RALGAPA2: variants seen among roughly 807,000 people sequenced by gnomAD.
RALGAPA2 encodes Ral GTPase activating protein catalytic subunit alpha 2, also known as ral GTPase-activating protein subunit alpha-2.
A neutral mutation model predicts 230.4 loss-of-function variants in RALGAPA2; 139 were observed. The observed-to-expected ratio is 0.60, with a 90% CI of 0.53 to 0.69. The LOEUF is 0.69. Among genes scored for constraint, RALGAPA2 ranks in the 30% least tolerant of loss-of-function variants. The probability of loss-of-function intolerance (pLI) is 0.00; values close to 1 mark genes in which losing one functional copy is unlikely to be tolerated. For missense variants in RALGAPA2, 2,163 were observed against 2,276.0 expected (o/e 0.95, Z 1.01); for synonymous variants, 847 against 837.8 (o/e 1.01, Z -0.19).
At chr20:20,400,415 GTA>G (rs1295693304) in intron 38 of RALGAPA2, among the ~76,000 whole-genome samples, 5 of 152,176 alleles carry the variant, frequency 3.3e-5, no homozygotes, top group Admixed American at 6.5e-5. Flanking sequence ...GCGTGTGCCT[GTA>G]TACGTGCTGC....
At chr20:20,693,167 A>G (rs1370987358) in intron 1 of RALGAPA2, among the ~76,000 whole-genome samples, 3 of 152,244 alleles carry the variant, frequency 2.0e-5, no homozygotes, top group Admixed American at 6.5e-5. Flanking sequence ...CAGGAGTGAT[A>G]GTCCTTGTGT....
At chr20:20,548,716 G>A (rs1269355276) in intron 23 of RALGAPA2, among the ~76,000 whole-genome samples, 1 of 152,176 alleles carries the variant, frequency 6.6e-6, no homozygotes, top group Non-Finnish European at 1.5e-5. Flanking sequence ...AAAGTGTGTG[G>A]TAAACTCAGG....
At chr20:20,458,684 A>G (rs1437013735) in intron 37 of RALGAPA2, among the ~76,000 whole-genome samples, 1 of 135,662 alleles carries the variant, frequency 7.4e-6, no homozygotes, top group Admixed American at 7.9e-5. Flanking sequence ...ATATATATAT[A>G]TAGACCTATA....
At chr20:20,682,720 C>T (rs2068564063) in intron 1 of RALGAPA2, among the ~76,000 whole-genome samples, 1 of 152,274 alleles carries the variant, frequency 6.6e-6, no homozygotes, top group South Asian at 2.1e-4. Context: ...TCATTATGTC[C>T]CATGCATCTA....
intron 23 of RALGAPA2, among the ~76,000 whole-genome samples, chr20:20,562,687 T>C (rs978791986): frequency 1.3e-4 from 20 of 152,198 alleles, no homozygotes; most frequent in African/African-American, 4.8e-4. Flanking sequence ...TTACACTTTT[T>C]AAAGCTGTGA....
At chr20:20,659,625 T>G (rs1036724888) in intron 3 of RALGAPA2, 19 of 275,812 alleles carry the variant, frequency 6.9e-5, no homozygotes, top group Non-Finnish European at 1.0e-4. Context: ...TAAAAAAGAG[T>G]ATATTCCTAA....
chr20:20,397,450 C>T (rs986657038), intron 38 of RALGAPA2, among the ~76,000 whole-genome samples: 2 of 152,208 alleles, frequency 1.3e-5, no homozygotes, highest in African/African-American at 2.4e-5. Flanking sequence ...ACCCCTTCCA[C>T]GCCATCCTAT....
At position 20,571,816 on chromosome 20, in the gene RALGAPA2, C is replaced by A. The variant is rs202239766; in HGVS notation, c.3000+32G>T. 6.9e-5 allele frequency: 107 copies of A among 1,551,074 alleles called. 2 individuals are homozygous for A. The East Asian group carries it at 2.3e-3, about 34-fold the overall frequency. On this transcript the variant is annotated intron_variant, in intron 22 of 39. Coordinates refer to ENST00000202677, the MANE Select transcript of RALGAPA2 (RefSeq NM_020343.4). Reference sequence around the variant, plus strand: ...TCAATTTCAGAAAGGAAGAGGAAATCGCAATAAAGGAATAAACACATATCC... The same window carrying A: ...TCAATTTCAGAAAGGAAGAGGAAATAGCAATAAAGGAATAAACACATATCC...
At chr20:20,521,650 A>G (rs1390297274) in intron 30 of RALGAPA2, among the ~76,000 whole-genome samples, 2 of 152,208 alleles carry the variant, frequency 1.3e-5, no homozygotes, top group African/African-American at 4.8e-5. Flanking sequence ...AGATCTATCT[A>G]CTCATTTGAG....
intron 1 of RALGAPA2, among the ~76,000 whole-genome samples, chr20:20,698,108 T>C (rs1479968790): frequency 6.6e-6 from 1 of 151,930 alleles, no homozygotes; most frequent in African/African-American, 2.4e-5. Flanking sequence ...GTTAAACATA[T>C]ACATACAGGT....
At chr20:20,406,168 C>CT (rs1031529863) in intron 38 of RALGAPA2, among the ~76,000 whole-genome samples, 6 of 151,970 alleles carry the variant, frequency 3.9e-5, no homozygotes, top group African/African-American at 1.4e-4. Context: ...TCAGTTTTTT[C>CT]TTTTTTTTCT....
chr20:20,535,763 TC>T lies in RALGAPA2; in HGVS notation c.3454del (p.Glu1152AsnfsTer31). On this transcript the variant is annotated frameshift_variant, in exon 26 of 40. Coordinates refer to ENST00000202677, the MANE Select transcript of RALGAPA2 (RefSeq NM_020343.4). LOFTEE classifies it high-confidence loss of function. ...CATTTACCTTGCATATTCATTTGGT[TC>T]TTCTGTGGCATTCTTCAGTAAAATA... ...INILLKNATE[E>X]PNEYARCIAV... is the part of the protein sequence containing the mutation. The T allele has an allele frequency of 6.5e-7, 1 of 1,548,784 alleles. No homozygotes were observed. Among genetic ancestry groups the T allele is most frequent in the Non-Finnish European group, 8.7e-7 (1 of 1,145,766 alleles).
At chr20:20,708,206 T>C (rs929509803) in intron 1 of RALGAPA2, among the ~76,000 whole-genome samples, 10 of 152,356 alleles carry the variant, frequency 6.6e-5, no homozygotes, top group African/African-American at 1.9e-4. Flanking sequence ...TAATTTCACC[T>C]GATTCTTTTT....
chr20:20,449,375 G>A (rs1602399472), intron 37 of RALGAPA2, among the ~76,000 whole-genome samples: 1 of 152,212 alleles, frequency 6.6e-6, no homozygotes, highest in East Asian at 1.9e-4. Flanking sequence ...CAGTCGGTGG[G>A]GCAATAATAT....
intron 1 of RALGAPA2, among the ~76,000 whole-genome samples, chr20:20,710,878 G>C (rs1396452931): frequency 6.6e-6 from 1 of 152,184 alleles, no homozygotes; most frequent in African/African-American, 2.4e-5. Flanking sequence ...TTAAAACACA[G>C]CTCAACTCTC....
chr20:20,594,166 C>T (rs6132320), intron 16 of RALGAPA2, among the ~76,000 whole-genome samples: 2,591 of 152,206 alleles, frequency 0.017, 96 homozygotes, highest in East Asian at 0.15. Context: ...TTCAATTCTC[C>T]TTATCCCACA....
chr20:20,641,493 C>T (rs1189595587), intron 5 of RALGAPA2, among the ~76,000 whole-genome samples: 1 of 152,188 alleles, frequency 6.6e-6, no homozygotes, highest in Non-Finnish European at 1.5e-5. Context: ...TATTCTATTT[C>T]TCCAACACCT....
At chr20:20,666,947 G>C (rs1273993202) in intron 3 of RALGAPA2, among the ~76,000 whole-genome samples, 1 of 152,108 alleles carries the variant, frequency 6.6e-6, no homozygotes, top group African/African-American at 2.4e-5. Flanking sequence ...AGAAGGAAAG[G>C]AAGAAGAAAG....
In RALGAPA2 at chr20:20,437,779, T is replaced by C. The variant is rs541991861; in HGVS notation, c.5496-25631A>G. 6.6e-6 allele frequency among the ~76,000 whole-genome samples: 1 copy of C among 152,304 alleles called. No individual in the cohort carries two copies. The highest frequency in any genetic ancestry group is 6.5e-5 in the Admixed American group (1 of 15,300). ...TCCTCAGTACTCACCATGCTCTAAC[T>C]TCCCTGGATTTTCATGATCTAGCTT... is the stretch of plus-strand genomic sequence containing the variant. On this transcript the variant is annotated intron_variant, in intron 37 of 39. Coordinates refer to ENST00000202677, the MANE Select transcript of RALGAPA2 (RefSeq NM_020343.4). This position sits in a 1 kb window ranked among gnomAD's most constrained non-coding sequence, Gnocchi z 4.1.
Sources: allele counts gnomAD v4.1 joint callset (sites outside exome capture counted in the v4.1 genomes callset), GRCh38; gene constraint gnomAD v4.1.1; non-coding constraint Gnocchi (gnomAD v3.1); transcripts MANE v1.5; gene names NCBI Gene and HGNC (gene_info 2026-07-23, HGNC 2026-07-21).